TMCO4: variants seen among roughly 807,000 people sequenced by gnomAD.
TMCO4 encodes transmembrane and coiled-coil domain-containing protein 4.
TMCO4 carries 58 observed loss-of-function variants against 64.7 expected under a neutral mutation model. The ratio of observed to expected loss-of-function variants is 0.90; its 90% CI spans 0.73 to 1.12. TMCO4 has a LOEUF of 1.12. Ranked by LOEUF, TMCO4 falls within the 50% of genes most tolerant of loss-of-function variation. The pLI, the probability that TMCO4 is intolerant of heterozygous loss-of-function variation, is 0.00. For missense variants in TMCO4, 780 were observed against 825.9 expected (o/e 0.94, Z 0.68); for synonymous variants, 325 against 346.1 (o/e 0.94, Z 0.68).
chr1:19,743,076 A>G lies in TMCO4; in HGVS notation c.878-2135T>C, dbSNP rs1284227395. 1.3e-5 allele frequency among the ~76,000 whole-genome samples: 2 copies of G among 152,188 alleles called. No homozygotes were observed. The highest frequency in any genetic ancestry group is 2.9e-5 in the Non-Finnish European group (2 of 68,020). ...AAAGAAAATAAAAATAAAAAAAATA[A>G]AAAGGCGTTGTATAAACTGTAAAGT... On this transcript the variant is annotated intron_variant, in intron 10 of 15. Coordinates refer to ENST00000294543, the MANE Select transcript of TMCO4 (RefSeq NM_181719.7). The surrounding 1 kb of genome is among the most constrained non-coding windows in gnomAD (Gnocchi z 4.1).
At chr1:19,698,297 C>T (rs999236162) in intron 14 of TMCO4, among the ~76,000 whole-genome samples, 7 of 152,248 alleles carry the variant, frequency 4.6e-5, no homozygotes, top group Admixed American at 2.0e-4. Context: ...ACAAGGAGCC[C>T]GCCTGAGGAC....
chr1:19,783,226 T>C (rs1303821297), intron 3 of TMCO4, among the ~76,000 whole-genome samples: 2 of 152,184 alleles, frequency 1.3e-5, no homozygotes, highest in Admixed American at 6.5e-5. Flanking sequence ...AGGACTGTAA[T>C]GTTCAGTTTG....
intron 10 of TMCO4, among the ~76,000 whole-genome samples, chr1:19,742,021 AAC>A (rs2095481588): frequency 6.6e-6 from 1 of 151,980 alleles, no homozygotes; most frequent in African/African-American, 2.4e-5. Context: ...TATAGGCGTG[AAC>A]CACTGCGCCC....
chr1:19,703,422 C>G (rs541061428), intron 13 of TMCO4, among the ~76,000 whole-genome samples: 38 of 152,112 alleles, frequency 2.5e-4, no homozygotes, highest in African/African-American at 8.7e-4. Flanking sequence ...CTTCCTTTCC[C>G]TTCCCTTTTT....
Position 19,683,337 on chromosome 1 carries a change from G to A in TMCO4, c.1608C>T (p.Gly536=). 1 of 1,614,002 alleles carries A rather than the reference G, an allele frequency of 6.2e-7. No homozygotes were observed. The highest frequency in any genetic ancestry group is 8.5e-7 in the Non-Finnish European group (1 of 1,179,966). Residue 536 remains glycine (G), a synonymous_variant, in exon 16 of 16, where the codon GGC becomes GGT. Transcript: ENST00000294543. ...GGCGAGGCTCCTCGGAGGGCAGGCA[G>A]CCTGGGGCCAGCAAGAGCCCCTTCT... ...WDEKGLLLAP[G]CLPSEEPRQA... is the part of the protein sequence containing the mutation.
At chr1:19,794,366 G>T (rs867822452) in intron 2 of TMCO4, among the ~76,000 whole-genome samples, 1 of 152,128 alleles carries the variant, frequency 6.6e-6, no homozygotes, top group Admixed American at 6.5e-5. Context: ...GCTTATCTTC[G>T]ATCTCCCTCT....
intron 13 of TMCO4, among the ~76,000 whole-genome samples, chr1:19,702,720 C>T (rs998590059): frequency 6.6e-6 from 1 of 152,180 alleles, no homozygotes; most frequent in Admixed American, 6.5e-5. Flanking sequence ...GCTATGATCA[C>T]ACCACTGCAC....
chr1:19,793,127 C>T (rs906428970), intron 2 of TMCO4, among the ~76,000 whole-genome samples: 2 of 151,908 alleles, frequency 1.3e-5, no homozygotes, highest in African/African-American at 2.4e-5. Context: ...ATTAGTGTGC[C>T]GCCTCTCCCA....
chr1:19,727,709 G>A (rs2095414423), intron 13 of TMCO4, among the ~76,000 whole-genome samples: 2 of 152,134 alleles, frequency 1.3e-5, no homozygotes, highest in Admixed American at 6.5e-5. Flanking sequence ...CCATTAAAGG[G>A]TATATACCCA....
chr1:19,793,835 T>C (rs1156822258), intron 2 of TMCO4, among the ~76,000 whole-genome samples: 1 of 152,164 alleles, frequency 6.6e-6, no homozygotes, highest in Non-Finnish European at 1.5e-5. Flanking sequence ...TATTAACCAC[T>C]GTCACCTCTT....
intron 7 of TMCO4, among the ~76,000 whole-genome samples, chr1:19,754,224 TTC>T (rs1280452546): frequency 2.0e-5 from 3 of 152,196 alleles, no homozygotes; most frequent in Non-Finnish European, 2.9e-5. Context: ...GGTAATACGT[TTC>T]TCTCTGATAA....
At chr1:19,716,557 T>A (rs2095357858) in intron 13 of TMCO4, among the ~76,000 whole-genome samples, 1 of 151,682 alleles carries the variant, frequency 6.6e-6, no homozygotes, top group Non-Finnish European at 1.5e-5. Flanking sequence ...TTGTTTTTTT[T>A]AATTAAAGGG....
intron 4 of TMCO4, among the ~76,000 whole-genome samples, chr1:19,774,964 C>T (rs1373269332): frequency 6.6e-6 from 1 of 152,174 alleles, no homozygotes. Flanking sequence ...TCCCTGAGCA[C>T]CCACCATGCA....
chr1:19,794,025 G>A (rs2044183492), intron 2 of TMCO4, among the ~76,000 whole-genome samples: 1 of 151,954 alleles, frequency 6.6e-6, no homozygotes, highest in Admixed American at 6.6e-5. Flanking sequence ...CTGCAATCTG[G>A]CCTGAATTGC....
chr1:19,797,570 TAAG>T lies in TMCO4; in HGVS notation c.-101+564_-101+566del, dbSNP rs1342761073. ...TGTAAAAGGTTTTTTCTCTTTTCCT[TAAG>T]AAAGTGGGAAGCCAAGGCCAGGCGC... On this transcript the variant is annotated intron_variant, in intron 2 of 15. Coordinates refer to ENST00000294543, the MANE Select transcript of TMCO4 (RefSeq NM_181719.7). 2.0e-5 allele frequency among the ~76,000 whole-genome samples: 3 copies of T among 152,158 alleles called. No individual in the cohort carries two copies. The East Asian group carries it at 5.8e-4, about 29-fold the overall frequency.
chr1:19,702,609 T>G (rs751743541), intron 13 of TMCO4, among the ~76,000 whole-genome samples: 1 of 151,742 alleles, frequency 6.6e-6, no homozygotes, highest in Non-Finnish European at 1.5e-5. Context: ...GAAAGAAAAT[T>G]TAGCTGGGTG....
intron 2 of TMCO4, among the ~76,000 whole-genome samples, chr1:19,794,406 C>G (rs560814599): frequency 6.6e-6 from 1 of 152,340 alleles, no homozygotes; most frequent in South Asian, 2.1e-4. Context: ...GGGAACTCAG[C>G]AACATTTGTT....
intron 4 of TMCO4, among the ~76,000 whole-genome samples, chr1:19,774,145 T>C (rs1378837009): frequency 2.0e-5 from 3 of 152,206 alleles, no homozygotes; most frequent in Admixed American, 6.5e-5. Flanking sequence ...CTTGGGGTGG[T>C]AATGAGGTAT....
chr1:19,776,542 C>CATTATTAACAACCA (rs2043211105), intron 4 of TMCO4, among the ~76,000 whole-genome samples: 1 of 152,190 alleles, frequency 6.6e-6, no homozygotes, highest in Admixed American at 6.5e-5. Context: ...GTAGGAGTTT[C>CATTATTAACAACCA]ATTATTAACA....
Sources: allele counts gnomAD v4.1 joint callset (sites outside exome capture counted in the v4.1 genomes callset), GRCh38; gene constraint gnomAD v4.1.1; non-coding constraint Gnocchi (gnomAD v3.1); transcripts MANE v1.5; gene names NCBI Gene and HGNC (gene_info 2026-07-23, HGNC 2026-07-21).